The following KLHL13 variants were observed in gnomAD, a reference collection of about 807,000 sequenced individuals.
KLHL13 encodes kelch like family member 13, also known as kelch-like protein 13.
A neutral mutation model predicts 37.1 loss-of-function variants in KLHL13; 10 were observed. The observed-to-expected ratio is 0.27, with a 90% CI of 0.17 to 0.46. The LOEUF is 0.46. Ranked by LOEUF, KLHL13 falls within the 20% of genes least tolerant of loss-of-function variation. KLHL13 has a pLI of 1.00. For synonymous variants in KLHL13, 163 were observed against 181.2 expected (o/e 0.90, Z 0.81); for missense variants, 360 against 509.3 (o/e 0.71, Z 2.82).
intron 1 of KLHL13, among the ~76,000 whole-genome samples, chrX:118,007,537 C>T (rs981970614): frequency 9.0e-6 from 1 of 111,334 alleles, no homozygotes; most frequent in Admixed American, 9.6e-5. Context: ...TCAAAAACAA[C>T]ATTAAATTTA....
At chrX:118,056,933 G>A (rs2054691107) in intron 1 of KLHL13, among the ~76,000 whole-genome samples, 1 of 111,990 alleles carries the variant, frequency 8.9e-6, no homozygotes, top group Non-Finnish European at 1.9e-5. Flanking sequence ...CAGCCTCCGA[G>A]CACTTAAATC....
intron 1 of KLHL13, among the ~76,000 whole-genome samples, chrX:118,025,993 C>T (rs2054271369): frequency 1.8e-5 from 2 of 111,762 alleles, no homozygotes. Flanking sequence ...TCCTCAGTTT[C>T]AGGCAACCTT....
intron 1 of KLHL13, among the ~76,000 whole-genome samples, chrX:118,030,288 C>T (rs2054322717): frequency 9.0e-6 from 1 of 111,625 alleles, no homozygotes; most frequent in Admixed American, 9.5e-5. Flanking sequence ...AACTGACCTT[C>T]GATTTACCTT....
intron 4 of KLHL13, 61 bp downstream of exon 5, chrX:117,919,460 A>T: frequency 1.1e-6 from 1 of 914,183 alleles, no homozygotes; most frequent in Non-Finnish European, 1.6e-6. Context: ...AGATTTCATG[A>T]GTCCTAAACA....
intron 6 of KLHL13, 88 bp from the exon 8 acceptor site, chrX:117,899,483 C>T: frequency 5.0e-6 from 4 of 793,947 alleles, no homozygotes; most frequent in Middle Eastern, 7.5e-4. Context: ...AACTTTTAGT[C>T]ACATATTATG....
intron 1 of KLHL13, among the ~76,000 whole-genome samples, chrX:118,089,591 AG>A (rs200890717): frequency 0.018 from 1,182 of 66,967 alleles, 25 homozygotes; most frequent in African/African-American, 0.07. Flanking sequence ...AAAAGAAAAG[AG>A]AGAGAGAGAG....
At position 117,909,885 on chromosome X, in the gene KLHL13, G is replaced by C. The variant is rs141912385; in HGVS notation, c.782C>G (p.Thr261Ser). Residue 261 changes from threonine to serine, a missense_variant, in exon 5 of 7, where the codon ACC (threonine) becomes AGC (serine). Coordinates refer to ENST00000262820, the Ensembl canonical transcript of KLHL13. Reference sequence around the variant, plus strand: ...CTCTTCCAGGCGAAGCCAACGACAGGTAGCCTTAAAGAGCTCAAGTTCAGT... The same window carrying C: ...CTCTTCCAGGCGAAGCCAACGACAGCTAGCCTTAAAGAGCTCAAGTTCAGT... The C allele has an allele frequency of 3.0e-4, 358 of 1,210,129 alleles. No individual in the cohort carries two copies. In the African/African-American group the frequency reaches 3.2e-3, roughly 11 times the overall value.
chrX:118,033,665 G>T (rs946064546), intron 1 of KLHL13, among the ~76,000 whole-genome samples: 1 of 108,514 alleles, frequency 9.2e-6, no homozygotes, highest in Non-Finnish European at 1.9e-5. Context: ...ATCGAGACTA[G>T]GAAGAAACTG....
At chrX:118,043,957 T>G (rs1340556147) in intron 1 of KLHL13, among the ~76,000 whole-genome samples, 1 of 112,053 alleles carries the variant, frequency 8.9e-6, no homozygotes, top group Non-Finnish European at 1.9e-5. Context: ...AAACTATCCT[T>G]GACTGCAGAT....
At chrX:117,973,417 A>C (rs1206362591) in exon 1 of KLHL13, 1 of 966,136 alleles carries the variant, frequency 1.0e-6, no homozygotes, top group East Asian at 7.6e-5. Context: ...AATAGAGATC[A>C]GTGACTAAAT....
At chrX:117,908,655 C>A (rs774336343) in intron 5 of KLHL13, among the ~76,000 whole-genome samples, 24 of 111,340 alleles carry the variant, frequency 2.2e-4, no homozygotes, top group South Asian at 3.8e-4. Flanking sequence ...ACATTTATGA[C>A]CAATTTTATA....
At chrX:117,940,785 A>T (rs1417430159) in intron 2 of KLHL13, among the ~76,000 whole-genome samples, 1 of 111,824 alleles carries the variant, frequency 8.9e-6, no homozygotes, top group Non-Finnish European at 1.9e-5. Context: ...ATTTTTGCAC[A>T]TTGATTTTGT....
chrX:118,040,356 T>C (rs2054494098), intron 1 of KLHL13, among the ~76,000 whole-genome samples: 1 of 110,998 alleles, frequency 9.0e-6, no homozygotes, highest in Non-Finnish European at 1.9e-5. Flanking sequence ...CTCAATGAAA[T>C]TAAAGATAAC....
At chrX:118,065,837 TA>T (rs1274759463) in intron 1 of KLHL13, among the ~76,000 whole-genome samples, 1 of 112,028 alleles carries the variant, frequency 8.9e-6, no homozygotes, top group Non-Finnish European at 1.9e-5. Context: ...GGAAGAGTTA[TA>T]GCTCCTCCAG....
intron 1 of KLHL13, among the ~76,000 whole-genome samples, chrX:118,023,725 T>A (rs773263672): frequency 9.0e-6 from 1 of 111,199 alleles, no homozygotes; most frequent in Admixed American, 9.6e-5. Context: ...TGCACCACCA[T>A]GCCTAGCTAA....
chrX:118,108,503 T>C (rs2055370466), intron 1 of KLHL13, among the ~76,000 whole-genome samples: 1 of 112,558 alleles, frequency 8.9e-6, no homozygotes, highest in Non-Finnish European at 1.9e-5. Flanking sequence ...CAGGCATTCC[T>C]CCAATGCTCT....
upstream of KLHL13, among the ~76,000 whole-genome samples, chrX:117,974,235 G>T (rs1203654899): frequency 1.8e-5 from 2 of 111,489 alleles, no homozygotes; most frequent in Non-Finnish European, 3.8e-5. Context: ...TTCTGATATA[G>T]GCAATTCACA....
chrX:117,917,838 T>C (rs925205979), intron 4 of KLHL13, among the ~76,000 whole-genome samples: 1 of 111,862 alleles, frequency 8.9e-6, no homozygotes, highest in East Asian at 2.8e-4. Flanking sequence ...AGGATGACCA[T>C]GTGTTGCTAA....
At chrX:118,055,182 A>G (rs921123289) in intron 1 of KLHL13, among the ~76,000 whole-genome samples, 1 of 112,242 alleles carries the variant, frequency 8.9e-6, no homozygotes, top group Admixed American at 9.5e-5. Flanking sequence ...AAATGACAGA[A>G]GACATAAAGA....
Sources: allele counts gnomAD v4.1 joint callset (sites outside exome capture counted in the v4.1 genomes callset), GRCh38; gene constraint gnomAD v4.1.1; transcripts MANE v1.5; gene names NCBI Gene and HGNC (gene_info 2026-07-23, HGNC 2026-07-21).